The following NSD1 variants were observed in gnomAD, a reference collection of about 807,000 sequenced individuals.
NSD1 encodes the protein nuclear receptor binding SET domain protein 1.
A neutral mutation model predicts 242.7 loss-of-function variants in NSD1; 26 were observed. The ratio of observed to expected loss-of-function variants is 0.11; its 90% CI spans 0.08 to 0.15. NSD1 has a LOEUF of 0.15. Ranked by LOEUF, NSD1 falls within the 10% of genes least tolerant of loss-of-function variation. The pLI is 1.00. For missense variants in NSD1, 2,495 were observed against 3,272.8 expected, an observed-to-expected ratio of 0.76 and a Z score of 5.80; for synonymous variants, 1,106 against 1,178.1, an observed-to-expected ratio of 0.94 and a Z score of 1.25.
rs541872416 is a variant in NSD1, at chr5:177,166,374, C to T, written c.928-25510C>T. ...AACACCCTGAGCAACATGGAAAAAC[C>T]GTGTCTCTACAAAAAATGCAAAAAT... On this transcript the variant is annotated intron_variant, in intron 2 of 22. Transcript: ENST00000439151. Among the ~76,000 whole-genome samples the T allele has an allele frequency of 4.6e-5, 7 of 151,870 alleles. No individual in the cohort carries two copies. The South Asian group carries it at 8.3e-4, about 18-fold the overall frequency.
intron 2 of NSD1, among the ~76,000 whole-genome samples, chr5:177,191,438 A>C (rs886443531): frequency 1.3e-5 from 2 of 152,310 alleles, no homozygotes; most frequent in African/African-American, 4.8e-5. Flanking sequence ...TATTGGTTTG[A>C]AAAGCATGTA....
At position 177,235,843 on chromosome 5, in the gene NSD1, C is replaced by T. The variant is rs745944081; in HGVS notation, c.3819C>T (p.Arg1273=). 2.4e-5 allele frequency: 38 copies of T among 1,613,716 alleles called. No homozygotes were observed. The highest frequency in any genetic ancestry group is 3.1e-5 in the Non-Finnish European group (36 of 1,179,894). The change falls in exon 6 of 23, where the codon CGC becomes CGT. Residue 1273 remains arginine (R), a synonymous_variant. Coordinates refer to ENST00000439151, the MANE Select transcript of NSD1 (RefSeq NM_022455.5). ...TAGCTGTGCGGTCAGAGAAGAAACG[C>T]CTTAGGAAGCCAAGCAAGTGGCTTT... The part of the protein sequence containing the change: ...PEPAVRSEKK[R]LRKPSKWLLE...
At chr5:177,246,121 C>G (rs919958809) in intron 9 of NSD1, among the ~76,000 whole-genome samples, 1 of 151,982 alleles carries the variant, frequency 6.6e-6, no homozygotes, top group Non-Finnish European at 1.5e-5. Context: ...CAGGCATGCA[C>G]CACCATGCCT....
At chr5:177,282,414 G>T (rs2127260153) in intron 18 of NSD1, 51 bp from the exon 19 acceptor site, 1 of 1,094,158 alleles carries the variant, frequency 9.1e-7, no homozygotes, top group Non-Finnish European at 1.4e-6. Context: ...TATACATTTG[G>T]ATACCAGTGT....
intron 20 of NSD1, among the ~76,000 whole-genome samples, chr5:177,284,362 C>G (rs1184756720): frequency 2.6e-5 from 4 of 152,228 alleles, no homozygotes; most frequent in Non-Finnish European, 5.9e-5. Flanking sequence ...TTCACTGCAG[C>G]CTCAAACTGG....
chr5:177,167,931 C>T (rs564011686), intron 2 of NSD1, among the ~76,000 whole-genome samples: 35 of 152,144 alleles, frequency 2.3e-4, no homozygotes, highest in African/African-American at 8.0e-4. Flanking sequence ...TACTTTTTGG[C>T]GGAGGTGTCC....
intron 14 of NSD1, among the ~76,000 whole-genome samples, chr5:177,264,485 T>G (rs1757256283): frequency 6.6e-6 from 1 of 152,234 alleles, no homozygotes; most frequent in South Asian, 2.1e-4. Context: ...TTTCTTCACG[T>G]ATGTCAAACA....
chr5:177,297,770 A>T lies in NSD1; in HGVS notation c.*2311A>T, dbSNP rs1325276438. On this transcript the variant is annotated 3_prime_UTR_variant, in exon 23 of 23. Coordinates refer to ENST00000439151, the MANE Select transcript of NSD1 (RefSeq NM_022455.5). ...TTTGGTAGGTAATCAACTTGACAGCAGTCTAGATGTCTCACAGGACAGGAG... is the reference window on the plus strand; with the variant it reads ...TTTGGTAGGTAATCAACTTGACAGCTGTCTAGATGTCTCACAGGACAGGAG... The T allele has an allele frequency of 8.6e-6, 2 of 232,972 alleles. No individual in the cohort carries two copies. Among genetic ancestry groups the T allele is most frequent in the African/African-American group, 4.4e-5 (2 of 45,310 alleles). The allele number at this position is 232,972 out of a possible 1,614,324, so 14.4% of individuals were successfully genotyped here.
Position 177,165,200 on chromosome 5 carries a change from C to CT in NSD1, c.928-26682dup, listed in dbSNP as rs372838874. On this transcript the variant is annotated intron_variant, in intron 2 of 22. Transcript: ENST00000439151. Reference sequence around the variant, plus strand: ...TTTATCCTATTTATTTTGAGACAGTCTTGTTTTGTCACCCAGGCTGGAGTA... The same window carrying CT: ...TTTATCCTATTTATTTTGAGACAGTCTTTGTTTTGTCACCCAGGCTGGAGTA... 4.3e-3 allele frequency among the ~76,000 whole-genome samples: 656 copies of CT among 152,296 alleles called. 6 individuals carry two copies. The highest frequency in any genetic ancestry group is 0.015 in the African/African-American group (639 of 41,568).
chr5:177,187,776 C>T (rs1761353495), intron 2 of NSD1, among the ~76,000 whole-genome samples: 1 of 152,162 alleles, frequency 6.6e-6, no homozygotes, highest in African/African-American at 2.4e-5. Context: ...TATTAGGAAA[C>T]AGTTGCACTG....
At chr5:177,204,011 T>C in intron 3 of NSD1, 109 bp from the exon 4 acceptor site, 1 of 1,050,364 alleles carries the variant, frequency 9.5e-7, no homozygotes, top group African/African-American at 1.6e-5. Flanking sequence ...AGTGGGCATG[T>C]TAGTTGTTTC....
At chr5:177,163,601 A>T (rs1388230882) in intron 2 of NSD1, among the ~76,000 whole-genome samples, 1 of 152,174 alleles carries the variant, frequency 6.6e-6, no homozygotes, top group Non-Finnish European at 1.5e-5. Flanking sequence ...TTTGAAAATT[A>T]ATTCCTAGTT....
chr5:177,164,578 T>C (rs1759028549), intron 2 of NSD1, among the ~76,000 whole-genome samples: 1 of 152,184 alleles, frequency 6.6e-6, no homozygotes, highest in East Asian at 1.9e-4. Context: ...TCTTTCTGTA[T>C]ATTATACTGG....
intron 2 of NSD1, among the ~76,000 whole-genome samples, chr5:177,170,030 C>T (rs376728610): frequency 3.9e-5 from 6 of 152,094 alleles, no homozygotes; most frequent in East Asian, 1.9e-4. Context: ...AGTGCAGTGG[C>T]GCGATCTCTG....
At chr5:177,158,457 C>T (rs1758387263) in intron 2 of NSD1, among the ~76,000 whole-genome samples, 1 of 151,390 alleles carries the variant, frequency 6.6e-6, no homozygotes, top group East Asian at 1.9e-4. Context: ...TCTGCCTCAG[C>T]CTCCCAAGTA....
chr5:177,235,264 G>C (rs1346257747), intron 5 of NSD1, among the ~76,000 whole-genome samples: 2 of 152,128 alleles, frequency 1.3e-5, no homozygotes, highest in Non-Finnish European at 2.9e-5. Flanking sequence ...TAAATATTTT[G>C]TAAAATTACC....
At chr5:177,239,019 A>G (rs1316580418) in intron 7 of NSD1, among the ~76,000 whole-genome samples, 2 of 152,228 alleles carry the variant, frequency 1.3e-5, no homozygotes, top group Non-Finnish European at 1.5e-5. Flanking sequence ...CATTCTTTAT[A>G]TATCACCTGG....
chr5:177,170,063 G>C (rs1308653602), intron 2 of NSD1, among the ~76,000 whole-genome samples: 1 of 151,776 alleles, frequency 6.6e-6, no homozygotes, highest in Non-Finnish European at 1.5e-5. Context: ...TCCACATCTC[G>C]GGTTCACGCC....
chr5:177,179,525 T>C (rs1195557316), intron 2 of NSD1, among the ~76,000 whole-genome samples: 2 of 152,202 alleles, frequency 1.3e-5, no homozygotes, highest in Non-Finnish European at 1.5e-5. Context: ...AGTTTTGTTT[T>C]TTAAATTTTT....
Sources: allele counts gnomAD v4.1 joint callset (sites outside exome capture counted in the v4.1 genomes callset), GRCh38; gene constraint gnomAD v4.1.1; transcripts MANE v1.5; gene names NCBI Gene and HGNC (gene_info 2026-07-23, HGNC 2026-07-21).